Variants in SH3RF3 observed in about 807,000 individuals in gnomAD.
The protein encoded by SH3RF3 is SH3 domain containing ring finger 3.
A neutral mutation model predicts 66.3 loss-of-function variants in SH3RF3; 29 were observed. That is an observed-to-expected ratio of 0.44 (90% CI 0.33 to 0.60). The LOEUF (loss-of-function observed/expected upper bound fraction) is 0.60, where lower values mean the gene tolerates loss of function less well. SH3RF3 is among the 20% of genes least tolerant of loss of function. The probability of loss-of-function intolerance (pLI) is 0.04; values close to 1 mark genes in which losing one functional copy is unlikely to be tolerated. For synonymous variants in SH3RF3, 583 were observed against 532.0 expected, an observed-to-expected ratio of 1.10 and a Z score of -1.32; for missense variants, 1,194 against 1,190.9, an observed-to-expected ratio of 1.00 and a Z score of -0.04.
At chr2:109,451,758 A>C (rs572418830) in intron 8 of SH3RF3, among the ~76,000 whole-genome samples, 1 of 152,270 alleles carries the variant, frequency 6.6e-6, no homozygotes, top group Non-Finnish European at 1.5e-5. Flanking sequence ...GAAAGGCGAC[A>C]TGCAGGGACG....
chr2:109,471,430 AACTC>A (rs773295474), intron 8 of SH3RF3, among the ~76,000 whole-genome samples: 6 of 152,096 alleles, frequency 3.9e-5, no homozygotes, highest in Non-Finnish European at 7.4e-5. Context: ...ATCTCATGAG[AACTC>A]ACTCACTATC....
At chr2:109,400,528 C>T (rs1676281926) in intron 4 of SH3RF3, among the ~76,000 whole-genome samples, 1 of 152,054 alleles carries the variant, frequency 6.6e-6, no homozygotes, top group South Asian at 2.1e-4. Flanking sequence ...TGCACACCTG[C>T]AGATACACAT....
At chr2:109,209,520 C>T (rs749998088) in intron 1 of SH3RF3, among the ~76,000 whole-genome samples, 3 of 152,206 alleles carry the variant, frequency 2.0e-5, no homozygotes, top group South Asian at 4.1e-4. Flanking sequence ...GCAAGGGAGG[C>T]GAGAACTGTG....
At chr2:109,235,801 C>T (rs72952052) in intron 1 of SH3RF3, among the ~76,000 whole-genome samples, 2,321 of 152,322 alleles carry the variant, frequency 0.015, 58 homozygotes, top group African/African-American at 0.053. Context: ...ATTTCATCTT[C>T]ACGTGCACTC....
chr2:109,390,969 G>A (rs1305118404), intron 3 of SH3RF3, among the ~76,000 whole-genome samples: 1 of 152,208 alleles, frequency 6.6e-6, no homozygotes, highest in Non-Finnish European at 1.5e-5. Flanking sequence ...CTGCAGCTTG[G>A]CCAACTGCCC....
At chr2:109,263,924 G>A (rs923969177) in intron 1 of SH3RF3, among the ~76,000 whole-genome samples, 3 of 152,186 alleles carry the variant, frequency 2.0e-5, no homozygotes, top group African/African-American at 4.8e-5. Flanking sequence ...AGCCAAGATC[G>A]TGCCACTGCA....
intron 1 of SH3RF3, among the ~76,000 whole-genome samples, chr2:109,333,649 C>T (rs1396791845): frequency 6.6e-6 from 1 of 152,152 alleles, no homozygotes; most frequent in African/African-American, 2.4e-5. Flanking sequence ...CACCTTGCTC[C>T]ACTAGAGACA....
At chr2:109,354,294 G>A (rs569656105) in intron 2 of SH3RF3, among the ~76,000 whole-genome samples, 40 of 152,330 alleles carry the variant, frequency 2.6e-4, no homozygotes, top group African/African-American at 9.4e-4. Context: ...TCACCCTGCA[G>A]GCCCAGAGGC....
At chr2:109,245,282 G>C (rs563323104) in intron 1 of SH3RF3, among the ~76,000 whole-genome samples, 1 of 151,936 alleles carries the variant, frequency 6.6e-6, no homozygotes, top group East Asian at 1.9e-4. Context: ...AGAGCTGTCT[G>C]CTGCCATGGT....
intron 1 of SH3RF3, among the ~76,000 whole-genome samples, chr2:109,316,957 C>T (rs1325658962): frequency 1.3e-5 from 2 of 152,124 alleles, no homozygotes; most frequent in Non-Finnish European, 2.9e-5. Context: ...TGAGGTTCCT[C>T]CATGTCTTTT....
intron 1 of SH3RF3, among the ~76,000 whole-genome samples, chr2:109,272,985 A>G (rs1291495843): frequency 6.6e-6 from 1 of 152,248 alleles, no homozygotes; most frequent in Non-Finnish European, 1.5e-5. Context: ...ACTGGAAGAA[A>G]TTAAAACAGG....
At chr2:109,459,189 A>G (rs1463298419) in intron 8 of SH3RF3, among the ~76,000 whole-genome samples, 1 of 152,154 alleles carries the variant, frequency 6.6e-6, no homozygotes, top group African/African-American at 2.4e-5. Flanking sequence ...CTTATATTAC[A>G]TGGTGAGATA....
At chr2:109,221,041 A>G (rs1679224640) in intron 1 of SH3RF3, among the ~76,000 whole-genome samples, 1 of 152,240 alleles carries the variant, frequency 6.6e-6, no homozygotes, top group Non-Finnish European at 1.5e-5. Context: ...AAAATGTGGT[A>G]TGTATACACA....
chr2:109,411,743 G>A (rs1398954890), intron 4 of SH3RF3, among the ~76,000 whole-genome samples: 2 of 152,178 alleles, frequency 1.3e-5, no homozygotes, highest in African/African-American at 2.4e-5. Context: ...CGGGAGCCAC[G>A]CTCAGCCATG....
intron 8 of SH3RF3, among the ~76,000 whole-genome samples, chr2:109,479,905 C>T (rs1678789954): frequency 6.6e-6 from 1 of 152,128 alleles, no homozygotes; most frequent in Non-Finnish European, 1.5e-5. Flanking sequence ...CGAGGATCTC[C>T]CTGGAGCTCT....
At chr2:109,467,553 TGGTGG>T (rs1166215646) in intron 8 of SH3RF3, among the ~76,000 whole-genome samples, 2 of 152,204 alleles carry the variant, frequency 1.3e-5, no homozygotes, top group African/African-American at 4.8e-5. Flanking sequence ...ATCGCCCAGA[TGGTGG>T]GGCTGCTGCA....
At chr2:109,287,076 T>C (rs953970006) in intron 1 of SH3RF3, among the ~76,000 whole-genome samples, 1 of 152,190 alleles carries the variant, frequency 6.6e-6, no homozygotes, top group African/African-American at 2.4e-5. Flanking sequence ...TTGCTCTCCA[T>C]GTTTCTGTGA....
chr2:109,325,550 C>T (rs887961379), intron 1 of SH3RF3, among the ~76,000 whole-genome samples: 2 of 151,892 alleles, frequency 1.3e-5, no homozygotes, highest in African/African-American at 2.4e-5. Flanking sequence ...GTGACACAGC[C>T]CCTTTACAAC....
rs1017388929 is a variant in SH3RF3 at position 109,153,927 on chromosome 2, G to A, written c.573+23814G>A. ...TGCAGGGCCGAGGACAAAATGAAGT[G>A]CAATTATAAAATTATTAAGAATTTC... On this transcript the variant is annotated intron_variant, in intron 1 of 9. Coordinates refer to ENST00000309415, the MANE Select transcript of SH3RF3 (RefSeq NM_001099289.3). 4.6e-5 allele frequency among the ~76,000 whole-genome samples: 7 copies of A among 152,326 alleles called. 1 individual carries two copies. The highest frequency in any genetic ancestry group is 2.6e-4 in the Admixed American group (4 of 15,300).
Sources: gnomAD v4.1 joint callset for allele counts (sites outside exome capture counted in the v4.1 genomes callset) on GRCh38, gnomAD v4.1.1 for gene constraint, MANE v1.5 for transcripts, NCBI Gene and HGNC (gene_info 2026-07-23, HGNC 2026-07-21) for gene names.